RAI14: variants seen among roughly 807,000 people sequenced by gnomAD.
RAI14 encodes the protein ankycorbin.
In RAI14, 45 loss-of-function variants were observed where a neutral mutation model predicts 115.4. The ratio of observed to expected loss-of-function variants is 0.39; its 90% CI spans 0.31 to 0.50. The LOEUF (loss-of-function observed/expected upper bound fraction) is 0.50, where lower values mean the gene tolerates loss of function less well. Ranked by LOEUF, RAI14 falls within the 20% of genes least tolerant of loss-of-function variation. The pLI, the probability that RAI14 is intolerant of heterozygous loss-of-function variation, is 0.85. For missense variants in RAI14, 939 were observed against 1,131.2 expected, an observed-to-expected ratio of 0.83 and a Z score of 2.44; for synonymous variants, 371 against 415.4, an observed-to-expected ratio of 0.89 and a Z score of 1.30.
At chr5:34,770,858 ATTAT>A (rs1561339139) in intron 3 of RAI14, among the ~76,000 whole-genome samples, 1 of 152,228 alleles carries the variant, frequency 6.6e-6, no homozygotes. Context: ...TTTTTAAAAT[ATTAT>A]TTAATATCAT....
At chr5:34,808,161 T>C (rs958987124) in intron 6 of RAI14, among the ~76,000 whole-genome samples, 2 of 152,246 alleles carry the variant, frequency 1.3e-5, no homozygotes, top group African/African-American at 4.8e-5. Flanking sequence ...AGGTAATGTG[T>C]GATACAGACT....
At chr5:34,780,449 G>GA (rs1361424950) in intron 3 of RAI14, among the ~76,000 whole-genome samples, 12 of 152,130 alleles carry the variant, frequency 7.9e-5, no homozygotes, top group Admixed American at 2.0e-4. Flanking sequence ...TACAGAATGG[G>GA]AAAAAATTTT....
chr5:34,773,331 C>T (rs911534059), intron 3 of RAI14, among the ~76,000 whole-genome samples: 6 of 152,268 alleles, frequency 3.9e-5, no homozygotes, highest in Admixed American at 3.3e-4. Context: ...AGGGGAAACA[C>T]TTCAAAACAT....
At chr5:34,698,835 A>G (rs991324594) in intron 2 of RAI14, among the ~76,000 whole-genome samples, 2 of 152,188 alleles carry the variant, frequency 1.3e-5, no homozygotes, top group African/African-American at 4.8e-5. Context: ...GACCGTAACC[A>G]GAAAAGGGGG....
rs79721914 is a variant in RAI14 at position 34,791,226 on chromosome 5, T to G, written c.168-4713T>G. On this transcript the variant is annotated intron_variant, in intron 3 of 17. Coordinates refer to ENST00000265109, the MANE Select transcript of RAI14 (RefSeq NM_015577.3). The surrounding 1 kb of genome is among the most constrained non-coding windows in gnomAD (Gnocchi z 5.4). ...CAAAACCAAGTTACCGTAAAAAGTT[T>G]GAATTTTAATATTTCTTTATTGAGT... Among the ~76,000 whole-genome samples the G allele has an allele frequency of 0.026, 3,889 of 152,230 alleles. 171 individuals carry two copies. The highest frequency in any genetic ancestry group is 0.089 in the African/African-American group (3,679 of 41,512).
At position 34,822,769 on chromosome 5, in the gene RAI14, C is replaced by T. The variant is rs1399123447; in HGVS notation, c.1114-187C>T. 5.4e-5 allele frequency among the ~76,000 whole-genome samples: 8 copies of T among 147,832 alleles called. No individual in the cohort carries two copies. The East Asian group carries it at 6.0e-4, about 11-fold the overall frequency. Reference sequence around the variant, plus strand: ...CGCGATCTCGGCTCACTGCAAGCTCCGCCTCCCGGGTTCACGCCATTCTCT... The same window carrying T: ...CGCGATCTCGGCTCACTGCAAGCTCTGCCTCCCGGGTTCACGCCATTCTCT... On this transcript the variant is annotated intron_variant, in intron 14 of 17. Transcript: ENST00000265109.
chr5:34,749,228 T>G (rs1322489919), intron 2 of RAI14, among the ~76,000 whole-genome samples: 1 of 152,226 alleles, frequency 6.6e-6, no homozygotes, highest in Non-Finnish European at 1.5e-5. Context: ...CTCAGATAGA[T>G]TCCTCCAGAT....
chr5:34,695,803 C>CTTTTTT (rs376091071), intron 2 of RAI14, among the ~76,000 whole-genome samples: 1 of 128,962 alleles, frequency 7.8e-6, no homozygotes, highest in Non-Finnish European at 1.6e-5. Context: ...AAGCACTTTC[C>CTTTTTT]TTTTTTTTTT....
At chr5:34,748,231 T>C (rs4544805) in intron 2 of RAI14, among the ~76,000 whole-genome samples, 1 of 152,126 alleles carries the variant, frequency 6.6e-6, no homozygotes, top group Non-Finnish European at 1.5e-5. Context: ...GCAGGGACAG[T>C]GTAACCTGCA....
In RAI14 at chr5:34,822,732, G is replaced by A. The variant is rs1018650301; in HGVS notation, c.1114-224G>A. ...GGAGTCTTGCTCTGTCGCCCAGGCTGGAGTGCAGTGGCGCGATCTCGGCTC... is the reference window on the plus strand; with the variant it reads ...GGAGTCTTGCTCTGTCGCCCAGGCTAGAGTGCAGTGGCGCGATCTCGGCTC... On this transcript the variant is annotated intron_variant, in intron 14 of 17. Coordinates refer to ENST00000265109, the MANE Select transcript of RAI14 (RefSeq NM_015577.3). Among the ~76,000 whole-genome samples the A allele has an allele frequency of 8.6e-5, 11 of 127,756 alleles. No homozygotes were observed. In the Admixed American group the frequency reaches 1.1e-3, roughly 13 times the overall value. The allele number at this position is 127,756 out of a possible 152,430, so 83.8% of individuals were successfully genotyped here.
intron 2 of RAI14, among the ~76,000 whole-genome samples, chr5:34,751,716 T>G (rs966519896): frequency 6.6e-6 from 1 of 152,230 alleles, no homozygotes; most frequent in African/African-American, 2.4e-5. Flanking sequence ...TTGCCTGTTA[T>G]GAGCGATGCT....
intron 2 of RAI14, among the ~76,000 whole-genome samples, chr5:34,698,083 T>C (rs1201697171): frequency 6.4e-5 from 3 of 46,532 alleles, no homozygotes; most frequent in Non-Finnish European, 1.1e-4. Context: ...CCTTTCCTCC[T>C]CCCCTCCTCC....
At chr5:34,748,817 TTA>T (rs1491376664) in intron 2 of RAI14, among the ~76,000 whole-genome samples, 60 of 80,878 alleles carry the variant, frequency 7.4e-4, no homozygotes, top group African/African-American at 2.0e-3. Flanking sequence ...AAAATAAAAA[TTA>T]AAAAAAAAAA....
intron 2 of RAI14, among the ~76,000 whole-genome samples, chr5:34,745,848 C>T (rs1373917453): frequency 6.6e-6 from 1 of 152,118 alleles, no homozygotes; most frequent in Non-Finnish European, 1.5e-5. Flanking sequence ...GGCTTCTTGG[C>T]CCACCACTGA....
In RAI14 at chr5:34,724,988, T is replaced by G. The variant is rs2150006130; in HGVS notation, c.37-32480T>G. Among the ~76,000 whole-genome samples the G allele has an allele frequency of 2.0e-5, 3 of 151,946 alleles. No individual in the cohort carries two copies. In the South Asian group the frequency reaches 6.2e-4, roughly 32 times the overall value. On this transcript the variant is annotated intron_variant, in intron 2 of 17. Coordinates refer to ENST00000265109, the MANE Select transcript of RAI14 (RefSeq NM_015577.3). ...GCTTGTGCACTCCCATGAAAAAGCCTGGGTCTCTGTAAAATATGTTGGTAA... is the reference window on the plus strand; with the variant it reads ...GCTTGTGCACTCCCATGAAAAAGCCGGGGTCTCTGTAAAATATGTTGGTAA...
intron 1 of RAI14, among the ~76,000 whole-genome samples, chr5:34,669,264 G>A (rs1743453919): frequency 6.6e-6 from 1 of 152,202 alleles, no homozygotes; most frequent in African/African-American, 2.4e-5. Context: ...TAATGAGACA[G>A]GCACACGATG....
At chr5:34,751,750 C>G (rs538948768) in intron 2 of RAI14, among the ~76,000 whole-genome samples, 1 of 152,116 alleles carries the variant, frequency 6.6e-6, no homozygotes, top group South Asian at 2.1e-4. Flanking sequence ...TAATGCATGT[C>G]TTATACACAG....
chr5:34,670,117 A>G (rs1743514038), intron 1 of RAI14, among the ~76,000 whole-genome samples: 1 of 152,262 alleles, frequency 6.6e-6, no homozygotes, highest in Non-Finnish European at 1.5e-5. Context: ...AAATTGGTCC[A>G]TTCGTATTTC....
At position 34,766,460 on chromosome 5, in the gene RAI14, A is replaced by G. The variant is rs1418172376; in HGVS notation, c.167+8862A>G. ...CAAAGGAGATCATTTCGGAGCTTTA[A>G]AATTTGATTGCCCCGCTGGATTTCA... On this transcript the variant is annotated intron_variant, in intron 3 of 17. Transcript: ENST00000265109. Among the ~76,000 whole-genome samples, 3 of 152,280 alleles carry G rather than the reference A, an allele frequency of 2.0e-5. No homozygotes were observed. In the East Asian group the frequency reaches 5.8e-4, roughly 29 times the overall value.
Sources: gnomAD v4.1 joint callset for allele counts (sites outside exome capture counted in the v4.1 genomes callset) on GRCh38, gnomAD v4.1.1 for gene constraint, Gnocchi (gnomAD v3.1) non-coding constraint, MANE v1.5 for transcripts, NCBI Gene and HGNC (gene_info 2026-07-23, HGNC 2026-07-21) for gene names.